ANTXRL: variants seen among roughly 807,000 people sequenced by gnomAD.
ANTXRL encodes ANTXR like.
Under a neutral mutation model 75.4 loss-of-function variants are expected in ANTXRL, and 63 were observed. The observed-to-expected ratio is 0.84, with a 90% CI of 0.68 to 1.03. ANTXRL has a LOEUF of 1.03. ANTXRL is among the 50% of genes least tolerant of loss of function. ANTXRL has a pLI of 0.00. For missense variants in ANTXRL, 797 were observed against 789.4 expected, an observed-to-expected ratio of 1.01 and a Z score of -0.12; for synonymous variants, 335 against 291.3, an observed-to-expected ratio of 1.15 and a Z score of -1.53.
chr10:46,329,308 C>A (rs1210062727), intron 16 of ANTXRL, among the ~76,000 whole-genome samples: 3 of 152,110 alleles, frequency 2.0e-5, no homozygotes, highest in African/African-American at 7.2e-5. Context: ...GGGCCTCCTC[C>A]TAGCTACCAG....
At position 46,297,289 on chromosome 10, in the gene ANTXRL, A is replaced by G; in HGVS notation, c.546A>G (p.Gly182=). The change falls in exon 6 of 17, where the codon GGA becomes GGG. Residue 182 remains glycine (G), a synonymous_variant. Coordinates refer to ENST00000620264, the MANE Select transcript of ANTXRL (RefSeq NM_001278688.3). ...VPSMIIAMTD[G]ELVAHAFQDT... is the part of the protein sequence containing the mutation. Reference sequence around the variant, plus strand: ...GCATGATTATTGCTATGACTGATGGAGAACTGGTGGCACATGCATTTCAGG... The same window carrying G: ...GCATGATTATTGCTATGACTGATGGGGAACTGGTGGCACATGCATTTCAGG... 6.5e-7 allele frequency: 1 copy of G among 1,536,546 alleles called. No homozygotes were observed. The highest frequency in any genetic ancestry group is 8.7e-7 in the Non-Finnish European group (1 of 1,146,886).
At chr10:46,316,011 C>T (rs1318886334) in intron 16 of ANTXRL, among the ~76,000 whole-genome samples, 12 of 151,938 alleles carry the variant, frequency 7.9e-5, no homozygotes, top group Non-Finnish European at 8.8e-5. Context: ...AGCACAACTC[C>T]GAGTCTCTTG....
At chr10:46,320,107 A>G (rs1238134426) in intron 16 of ANTXRL, among the ~76,000 whole-genome samples, 1 of 152,152 alleles carries the variant, frequency 6.6e-6, no homozygotes, top group Non-Finnish European at 1.5e-5. Context: ...CTTCCCATGA[A>G]AGTTCCCATG....
At chr10:46,290,045 C>CTTT (rs34276033) in intron 1 of ANTXRL, among the ~76,000 whole-genome samples, 2,036 of 119,584 alleles carry the variant, frequency 0.017, 97 homozygotes, top group South Asian at 0.039. Context: ...TTTTCTTTAT[C>CTTT]TTTTTTTTTT....
intron 11 of ANTXRL, 44 bp downstream of exon 11, chr10:46,306,916 G>A (rs1421078358): frequency 1.4e-6 from 2 of 1,472,158 alleles, no homozygotes; most frequent in Non-Finnish European, 1.8e-6. Context: ...AGACCAGGGA[G>A]TCAGGGTTGG....
chr10:46,307,338 G>C, intron 11 of ANTXRL, 64 bp from the exon 12 acceptor site: 1 of 1,206,372 alleles, frequency 8.3e-7, no homozygotes, highest in Non-Finnish European at 1.2e-6. Context: ...TACCCATGCT[G>C]TCCAAGGGCA....
intron 10 of ANTXRL, among the ~76,000 whole-genome samples, chr10:46,305,659 G>A (rs1838034459): frequency 6.6e-6 from 1 of 152,120 alleles, no homozygotes; most frequent in Admixed American, 6.6e-5. Flanking sequence ...CGCACTTCAG[G>A]AGGTGTGAAA....
At chr10:46,295,868 A>C in intron 3 of ANTXRL, 151 bp from the exon 4 acceptor site, 5 of 696,594 alleles carry the variant, frequency 7.2e-6, no homozygotes, top group Non-Finnish European at 1.0e-5. Context: ...TCAAAATCAC[A>C]ATGAGGAATG....
At chr10:46,290,763 AT>A (rs75129433) in intron 1 of ANTXRL, among the ~76,000 whole-genome samples, 5 of 151,598 alleles carry the variant, frequency 3.3e-5, no homozygotes, top group African/African-American at 9.7e-5. Context: ...TCCTTTGCCC[AT>A]TTTTTTTGTT....
At chr10:46,313,189 G>A in intron 15 of ANTXRL, 47 bp from the exon 16 acceptor site, 1 of 1,483,214 alleles carries the variant, frequency 6.7e-7, no homozygotes, top group Non-Finnish European at 9.1e-7. Context: ...CCTTCTGGAG[G>A]CAGTGTCCAA....
At chr10:46,313,130 T>G in intron 15 of ANTXRL, 106 bp from the exon 16 acceptor site, 1 of 1,018,016 alleles carries the variant, frequency 9.8e-7, no homozygotes, top group Non-Finnish European at 1.5e-6. Flanking sequence ...GAGCTTTGTC[T>G]GGGTGTTTTC....
Position 46,316,921 on chromosome 10 carries a change from C to T in ANTXRL, c.1410+3605C>T, listed in dbSNP as rs78239032. 5.5e-3 allele frequency among the ~76,000 whole-genome samples: 837 copies of T among 151,906 alleles called. 10 individuals carry two copies. Among genetic ancestry groups the T allele is most frequent in the Non-Finnish European group, 9.1e-3 (618 of 67,984 alleles). Reference sequence around the variant, plus strand: ...GAGATGTGCACATCAGGTGGATTGGCGTGTCTCTATGGGTGCTGTGTGAGT... The same window carrying T: ...GAGATGTGCACATCAGGTGGATTGGTGTGTCTCTATGGGTGCTGTGTGAGT... On this transcript the variant is annotated intron_variant, in intron 16 of 16. Coordinates refer to ENST00000620264, the MANE Select transcript of ANTXRL (RefSeq NM_001278688.3).
At chr10:46,303,858 C>G (rs375557384) in intron 10 of ANTXRL, among the ~76,000 whole-genome samples, 9 of 152,102 alleles carry the variant, frequency 5.9e-5, no homozygotes, top group African/African-American at 7.2e-5. Context: ...TGGATTTTTG[C>G]ATCCTCCTTG....
intron 3 of ANTXRL, among the ~76,000 whole-genome samples, chr10:46,295,108 C>T (rs1204303770): frequency 1.3e-5 from 2 of 152,174 alleles, no homozygotes; most frequent in African/African-American, 2.4e-5. Context: ...GCACAGCTGT[C>T]GGGGCTGCCT....
At position 46,308,699 on chromosome 10, in the gene ANTXRL, A is replaced by G. The variant is rs1453081512; in HGVS notation, c.1045-414A>G. ...GGCTGAGGCTCAGAGCAGTGCGTGG[A>G]TGTGCCCACGGTGCAGAGCCTGGAA... On this transcript the variant is annotated intron_variant, in intron 12 of 16. Transcript: ENST00000620264. 2.1e-4 allele frequency: 72 copies of G among 342,008 alleles called. 1 individual carries two copies. Among genetic ancestry groups the G allele is most frequent in the South Asian group, 9.6e-4 (41 of 42,824 alleles). The allele number at this position is 342,008 out of a possible 1,614,324, so 21.2% of individuals were successfully genotyped here.
At chr10:46,297,755 C>A in intron 7 of ANTXRL, 76 bp from the exon 8 acceptor site, 1 of 1,292,120 alleles carries the variant, frequency 7.7e-7, no homozygotes, top group Non-Finnish European at 1.1e-6. Context: ...GAGGGCAAGA[C>A]ACTGTCTCCT....
At chr10:46,307,376 C>T in intron 11 of ANTXRL, 26 bp from the exon 12 acceptor site, 3 of 1,503,380 alleles carry the variant, frequency 2.0e-6, no homozygotes, top group African/African-American at 2.8e-5. Context: ...GACTGGCTCT[C>T]ACCATCTGCA....
intron 1 of ANTXRL, among the ~76,000 whole-genome samples, chr10:46,290,342 TG>T (rs1836935817): frequency 6.6e-6 from 1 of 152,186 alleles, no homozygotes; most frequent in South Asian, 2.1e-4. Flanking sequence ...TCGCCCGGCC[TG>T]TTTATCTTTT....
At chr10:46,328,135 C>T (rs1704746678) in intron 16 of ANTXRL, among the ~76,000 whole-genome samples, 1 of 152,112 alleles carries the variant, frequency 6.6e-6, no homozygotes, top group Admixed American at 6.6e-5. Context: ...CTGGAAATAC[C>T]AAGCAGGGTG....
Sources: gnomAD v4.1 joint callset for allele counts (sites outside exome capture counted in the v4.1 genomes callset) on GRCh38, gnomAD v4.1.1 for gene constraint, MANE v1.5 for transcripts, NCBI Gene and HGNC (gene_info 2026-07-23, HGNC 2026-07-21) for gene names.